The following MGAT4C variants were observed in gnomAD, a reference collection of about 807,000 sequenced individuals.
The protein encoded by MGAT4C is MGAT4 family member C.
MGAT4C carries 19 observed loss-of-function variants against 40.1 expected under a neutral mutation model. The observed-to-expected ratio is 0.47, with a 90% CI of 0.33 to 0.70. The LOEUF (loss-of-function observed/expected upper bound fraction) is 0.70. Among genes scored for constraint, MGAT4C ranks in the 30% least tolerant of loss-of-function variants. The pLI, the probability that MGAT4C is intolerant of heterozygous loss-of-function variation, is 0.02. For synonymous variants in MGAT4C, 181 were observed against 187.1 expected, an observed-to-expected ratio of 0.97 and a Z score of 0.27; for missense variants, 491 against 563.2, an observed-to-expected ratio of 0.87 and a Z score of 1.30.
chr12:86,763,611 A>G (rs1443562375), intron 1 of MGAT4C, among the ~76,000 whole-genome samples: 1 of 152,220 alleles, frequency 6.6e-6, no homozygotes, highest in African/African-American at 2.4e-5. Context: ...GACAATTTCA[A>G]TAAAACCAAT....
intron 2 of MGAT4C, among the ~76,000 whole-genome samples, chr12:86,489,503 C>G (rs1036806246): frequency 6.6e-6 from 1 of 152,178 alleles, no homozygotes. Flanking sequence ...GGCAAAGGGC[C>G]TATTGAGCTG....
At chr12:86,719,378 A>G (rs938229282) in intron 2 of MGAT4C, among the ~76,000 whole-genome samples, 1 of 152,158 alleles carries the variant, frequency 6.6e-6, no homozygotes, top group African/African-American at 2.4e-5. Context: ...CTGTAGATCT[A>G]TGATCTAAAG....
At chr12:86,584,631 T>C (rs544647159) in intron 2 of MGAT4C, among the ~76,000 whole-genome samples, 2 of 151,456 alleles carry the variant, frequency 1.3e-5, no homozygotes, top group Non-Finnish European at 3.0e-5. Context: ...TCAATTTCTA[T>C]TGGATCAAGG....
At chr12:86,711,407 T>G (rs1180453395) in intron 2 of MGAT4C, among the ~76,000 whole-genome samples, 1 of 152,036 alleles carries the variant, frequency 6.6e-6, no homozygotes, top group African/African-American at 2.4e-5. Flanking sequence ...TACGGGGAGA[T>G]GGGCACATTG....
chr12:86,018,041 G>A (rs1482103546), intron 2 of MGAT4C, among the ~76,000 whole-genome samples: 1 of 152,140 alleles, frequency 6.6e-6, no homozygotes, highest in Non-Finnish European at 1.5e-5. Context: ...GCATATGACT[G>A]TGCATGTAAT....
chr12:86,643,147 G>A (rs1963439290), intron 2 of MGAT4C, among the ~76,000 whole-genome samples: 1 of 151,650 alleles, frequency 6.6e-6, no homozygotes, highest in Non-Finnish European at 1.5e-5. Flanking sequence ...TAGCAAGGGA[G>A]ATAGAGATGG....
At chr12:86,440,878 C>T (rs1957215573) in intron 2 of MGAT4C, among the ~76,000 whole-genome samples, 1 of 151,672 alleles carries the variant, frequency 6.6e-6, no homozygotes. Context: ...TTTACAATAA[C>T]TAAAAAAAAT....
intron 3 of MGAT4C, among the ~76,000 whole-genome samples, chr12:86,409,763 C>G (rs192421274): frequency 2.1e-3 from 317 of 152,214 alleles, no homozygotes; most frequent in African/African-American, 7.2e-3. Flanking sequence ...TGGACTTCTC[C>G]TTTGCTATTC....
At chr12:86,792,556 A>G (rs1424486084) in intron 1 of MGAT4C, among the ~76,000 whole-genome samples, 2 of 152,204 alleles carry the variant, frequency 1.3e-5, no homozygotes, top group African/African-American at 2.4e-5. Flanking sequence ...CATTGATAGA[A>G]TGCTAAGGCC....
chr12:86,214,304 CA>C (rs138334754), intron 1 of MGAT4C, among the ~76,000 whole-genome samples: 12,160 of 152,212 alleles, frequency 0.08, 605 homozygotes, highest in Middle Eastern at 0.23. Flanking sequence ...CCCCTAGTGA[CA>C]ATTAGGTCAC....
At chr12:86,601,704 C>G (rs1301651666) in intron 2 of MGAT4C, among the ~76,000 whole-genome samples, 1 of 152,156 alleles carries the variant, frequency 6.6e-6, no homozygotes, top group African/African-American at 2.4e-5. Context: ...CACTATTAAC[C>G]CTCACACCCT....
chr12:86,247,524 T>C (rs1952086657), intron 1 of MGAT4C, among the ~76,000 whole-genome samples: 1 of 152,190 alleles, frequency 6.6e-6, no homozygotes, highest in South Asian at 2.1e-4. Flanking sequence ...TGGAAACTTT[T>C]GAAAGTGTTA....
rs34747949 is a variant in MGAT4C at position 86,593,265 on chromosome 12, ATT to A, written c.-229+133942_-229+133943del. On this transcript the variant is annotated intron_variant, in intron 2 of 7. Coordinates refer to the MGAT4C transcript ENST00000548651. Reference sequence around the variant, plus strand: ...TATTTATGATTCTAGGAATTTAAGTATTTTTTTTTTGGTCAAGGTAGCTAAAT... The same window carrying A: ...TATTTATGATTCTAGGAATTTAAGTATTTTTTTTGGTCAAGGTAGCTAAAT... Among the ~76,000 whole-genome samples the A allele has an allele frequency of 4.7e-4, 71 of 150,974 alleles. No individual in the cohort carries two copies. In the East Asian group the frequency reaches 0.011, roughly 24 times the overall value.
At chr12:86,445,984 T>G (rs2136282797) in intron 2 of MGAT4C, among the ~76,000 whole-genome samples, 1 of 152,230 alleles carries the variant, frequency 6.6e-6, no homozygotes, top group East Asian at 1.9e-4. Flanking sequence ...ATGCATTCAC[T>G]GTGCAAAGGT....
chr12:86,154,262 C>A (rs1212022155), intron 1 of MGAT4C, among the ~76,000 whole-genome samples: 1 of 152,172 alleles, frequency 6.6e-6, no homozygotes, highest in South Asian at 2.1e-4. Context: ...GGGAATTCAA[C>A]ATCCTGAGGT....
rs975772762 is a variant in MGAT4C, at chr12:86,093,188, C to T, written c.-56-43465G>A. Among the ~76,000 whole-genome samples, 3 of 152,020 alleles carry T rather than the reference C, an allele frequency of 2.0e-5. No homozygotes were observed. The East Asian group carries it at 5.8e-4, about 29-fold the overall frequency. ...GCTGACCCTGAGCTTTCATCTGTTCCCCTTCAAAACATCACTTCCCTTATT... is the reference window on the plus strand; with the variant it reads ...GCTGACCCTGAGCTTTCATCTGTTCTCCTTCAAAACATCACTTCCCTTATT... On this transcript the variant is annotated intron_variant, in intron 1 of 4. Transcript: ENST00000611864.
intron 1 of MGAT4C, among the ~76,000 whole-genome samples, chr12:86,731,972 GT>G (rs1950917491): frequency 6.6e-6 from 1 of 152,080 alleles, no homozygotes; most frequent in African/African-American, 2.4e-5. Flanking sequence ...ATTTATTCCT[GT>G]TTTATGCTTA....
chr12:86,507,888 A>G (rs1345351370), intron 2 of MGAT4C, among the ~76,000 whole-genome samples: 1 of 151,990 alleles, frequency 6.6e-6, no homozygotes, highest in East Asian at 1.9e-4. Flanking sequence ...TTGGCTACTT[A>G]GGGTTCTTTG....
chr12:86,463,464 ATG>A (rs1347218979), intron 2 of MGAT4C, among the ~76,000 whole-genome samples: 1 of 152,050 alleles, frequency 6.6e-6, no homozygotes, highest in Admixed American at 6.6e-5. Flanking sequence ...GGCTTTTCTA[ATG>A]TGTTATTGCC....
Sources: gnomAD v4.1 joint callset for allele counts (sites outside exome capture counted in the v4.1 genomes callset) on GRCh38, gnomAD v4.1.1 for gene constraint, MANE v1.5 for transcripts, NCBI Gene and HGNC (gene_info 2026-07-23, HGNC 2026-07-21) for gene names.